CC2D2B: variants seen among roughly 807,000 people sequenced by gnomAD.
CC2D2B encodes protein CC2D2B.
Under a neutral mutation model 161.2 loss-of-function variants are expected in CC2D2B, and 128 were observed. The observed-to-expected ratio is 0.79, with a 90% CI of 0.69 to 0.92. The LOEUF is 0.92. Ranked by LOEUF, CC2D2B falls within the 40% of genes least tolerant of loss-of-function variation. The pLI is 0.00. For missense variants in CC2D2B, 1,173 were observed against 1,375.1 expected (o/e 0.85, Z 2.32); for synonymous variants, 391 against 449.8 (o/e 0.87, Z 1.65).
At chr10:95,958,369 G>A (rs2076650924) in intron 11 of CC2D2B, among the ~76,000 whole-genome samples, 1 of 152,130 alleles carries the variant, frequency 6.6e-6, no homozygotes, top group Non-Finnish European at 1.5e-5. Flanking sequence ...GTGTGCACCT[G>A]TAGTCCCAGC....
intron 29 of CC2D2B, among the ~76,000 whole-genome samples, 163 bp from the exon 30 acceptor site, chr10:96,016,038 A>G (rs1487902119): frequency 6.6e-6 from 1 of 152,214 alleles, no homozygotes; most frequent in Non-Finnish European, 1.5e-5. Flanking sequence ...ATGCCCTAGC[A>G]AAGCTGGAGC....
At chr10:95,956,518 GA>G (rs1346806843) in intron 11 of CC2D2B, among the ~76,000 whole-genome samples, 2 of 152,068 alleles carry the variant, frequency 1.3e-5, no homozygotes, top group Non-Finnish European at 2.9e-5. Context: ...TTATAGAATT[GA>G]AAAATATAAA....
At chr10:96,002,001 A>G (rs74585605) in intron 24 of CC2D2B, among the ~76,000 whole-genome samples, 4,733 of 152,300 alleles carry the variant, frequency 0.031, 119 homozygotes, top group African/African-American at 0.062. Context: ...TTTGTTTGAA[A>G]AGTTTGTAAA....
At chr10:95,924,485 G>A (rs923323513) in intron 4 of CC2D2B, 95 bp downstream of exon 4, 13 of 652,958 alleles carry the variant, frequency 2.0e-5, no homozygotes, top group Non-Finnish European at 3.4e-5. Flanking sequence ...CCGAAATTCA[G>A]TGTTAATATA....
At chr10:95,999,444 CTGTTTTTCTTT>C (rs1162104849) in intron 24 of CC2D2B, among the ~76,000 whole-genome samples, 1 of 151,286 alleles carries the variant, frequency 6.6e-6, no homozygotes, top group East Asian at 1.9e-4. Context: ...TTACTTTTGT[CTGTTTTTCTTT>C]TTTTTTTCTT....
intron 30 of CC2D2B, among the ~76,000 whole-genome samples, chr10:96,018,160 CATA>C (rs1323520314): frequency 1.3e-5 from 2 of 152,144 alleles, no homozygotes; most frequent in African/African-American, 4.8e-5. Context: ...TAATTCTTAG[CATA>C]ATATCTGATG....
chr10:95,993,552 T>A (rs1203528734), intron 22 of CC2D2B, among the ~76,000 whole-genome samples: 7 of 152,164 alleles, frequency 4.6e-5, no homozygotes, highest in Admixed American at 4.6e-4. Context: ...TTTGCCAGTG[T>A]CTTACAAATT....
At chr10:95,979,172 G>GA (rs2077421166) in intron 17 of CC2D2B, among the ~76,000 whole-genome samples, 2 of 132,518 alleles carry the variant, frequency 1.5e-5, no homozygotes, top group South Asian at 2.4e-4. Context: ...GGTTTTTGGT[G>GA]TTTTTTTTTT....
intron 11 of CC2D2B, among the ~76,000 whole-genome samples, chr10:95,958,363 G>T (rs1451405015): frequency 6.6e-6 from 1 of 152,088 alleles, no homozygotes. Flanking sequence ...GTCATGGTGT[G>T]CACCTGTAGT....
rs2141709149 is a variant in CC2D2B, at chr10:95,995,312, C to G, written c.2686C>G (p.Leu896Val). ...PTCLKSSISC[L>V]RHRETIKSVA... is the part of the protein sequence containing the mutation. ...TTGTTTGAAATCATCTATATCTTGC[C>G]TCAGACATAGAGAAACAATCAAATC... Residue 896 changes from leucine (L) to valine (V), a missense_variant, in exon 23 of 35, where the codon CTC becomes GTC. Leu to Val is a conservative substitution (Grantham distance 32). Coordinates refer to ENST00000646931, the MANE Select transcript of CC2D2B (RefSeq NM_001349008.3). 6.5e-7 allele frequency: 1 copy of G among 1,532,408 alleles called. No individual in the cohort carries two copies. Among genetic ancestry groups the G allele is most frequent in the East Asian group, 2.5e-5 (1 of 40,746 alleles). The allele number at this position is 1,532,408 out of a possible 1,614,324, so 94.9% of individuals were successfully genotyped here. A position where few individuals can be genotyped will look rare whatever the true frequency, so the allele number is the denominator to read the frequency against.
At chr10:96,023,243 T>C (rs1317460980) in intron 32 of CC2D2B, among the ~76,000 whole-genome samples, 1 of 152,264 alleles carries the variant, frequency 6.6e-6, no homozygotes, top group Non-Finnish European at 1.5e-5. Context: ...GTTTAGCTTG[T>C]ATCTCTACTT....
At chr10:95,927,159 C>T in intron 5 of CC2D2B, 78 bp from the exon 6 acceptor site, 1 of 750,416 alleles carries the variant, frequency 1.3e-6, no homozygotes, top group Non-Finnish European at 2.2e-6. Context: ...TTATGTTTAC[C>T]ATATTACAGA....
chr10:95,997,450 G>A (rs1200348498), intron 24 of CC2D2B, among the ~76,000 whole-genome samples: 8 of 151,864 alleles, frequency 5.3e-5, no homozygotes. Context: ...AAGTGCAGTT[G>A]TATAATCATA....
Position 96,016,923 on chromosome 10 carries a change from T to C in CC2D2B, c.3630+609T>C, listed in dbSNP as rs78427302. Among the ~76,000 whole-genome samples the C allele has an allele frequency of 5.2e-4, 79 of 152,286 alleles. 1 individual carries two copies. The East Asian group carries it at 0.014, about 28-fold the overall frequency. On this transcript the variant is annotated intron_variant, in intron 30 of 34. Transcript: ENST00000646931. ...TAGTAGAGATGGGGTTTCATCATGT[T>C]GGCCAGGCTGGTCTTGACTCCTGAC...
In CC2D2B at chr10:96,031,929, T is replaced by C; in HGVS notation, c.4235T>C (p.Leu1412Ser). 6 of 1,613,908 alleles carry C rather than the reference T, an allele frequency of 3.7e-6. No homozygotes were observed. The South Asian group carries it at 5.5e-5, about 15-fold the overall frequency. ...SAEFPQTEFA[L>S]AVYIHPYPNN... ...GAATTTCCCCAGACAGAATTTGCTTTAGCTGTATACATTCACCCATACCCA... is the reference window on the plus strand; with the variant it reads ...GAATTTCCCCAGACAGAATTTGCTTCAGCTGTATACATTCACCCATACCCA... Residue 1412 changes from leucine (L) to serine (S), a missense_variant, in exon 35 of 35, where the codon TTA (leucine) becomes TCA (serine). Physicochemically the swap from Leu to Ser is moderately radical, Grantham distance 145. Coordinates refer to ENST00000646931, the MANE Select transcript of CC2D2B (RefSeq NM_001349008.3).
chr10:95,969,684 C>T (rs1251333667), intron 15 of CC2D2B, among the ~76,000 whole-genome samples: 1 of 151,896 alleles, frequency 6.6e-6, no homozygotes, highest in African/African-American at 2.4e-5. Context: ...TTCAGGTTTC[C>T]ACTCTCTTAC....
At chr10:96,009,510 ATATAGTG>A (rs551653414) in intron 25 of CC2D2B, among the ~76,000 whole-genome samples, 14 of 152,320 alleles carry the variant, frequency 9.2e-5, no homozygotes, top group Admixed American at 8.5e-4. Context: ...ACCACTTCAC[ATATAGTG>A]TAAGAGCAGG....
At chr10:95,954,591 C>A (rs1332472231) in intron 10 of CC2D2B, among the ~76,000 whole-genome samples, 1 of 152,094 alleles carries the variant, frequency 6.6e-6, no homozygotes, top group East Asian at 1.9e-4. Context: ...ATTTTATCTT[C>A]TACATGAACC....
chr10:95,997,529 A>C (rs1162893576), intron 24 of CC2D2B, among the ~76,000 whole-genome samples: 1 of 152,138 alleles, frequency 6.6e-6, no homozygotes, highest in Admixed American at 6.5e-5. Context: ...CCGAGACTAC[A>C]GGAGTGTACC....
Sources: allele counts gnomAD v4.1 joint callset (sites outside exome capture counted in the v4.1 genomes callset), GRCh38; gene constraint gnomAD v4.1.1; transcripts MANE v1.5; gene names NCBI Gene and HGNC (gene_info 2026-07-23, HGNC 2026-07-21).